Variants in FSTL5 observed in about 807,000 individuals in gnomAD.
FSTL5 encodes follistatin like 5.
A neutral mutation model predicts 89.1 loss-of-function variants in FSTL5; 62 were observed. The observed-to-expected ratio is 0.70, with a 90% CI of 0.57 to 0.86. The LOEUF (loss-of-function observed/expected upper bound fraction) is 0.86, where lower values mean the gene tolerates loss of function less well. FSTL5 is among the 40% of genes least tolerant of loss of function. The pLI, the probability that FSTL5 is intolerant of heterozygous loss-of-function variation, is 0.00. For missense variants in FSTL5, 1,057 were observed against 1,001.6 expected, an observed-to-expected ratio of 1.06 and a Z score of -0.75; for synonymous variants, 383 against 346.2, an observed-to-expected ratio of 1.11 and a Z score of -1.18.
chr4:161,821,212 A>AT (rs1189183977), intron 4 of FSTL5, among the ~76,000 whole-genome samples: 1 of 151,758 alleles, frequency 6.6e-6, no homozygotes, highest in African/African-American at 2.4e-5. Context: ...TAATTTTTGT[A>AT]TTTTTTGTAG....
intron 10 of FSTL5, among the ~76,000 whole-genome samples, chr4:161,527,493 C>T (rs1218052903): frequency 1.9e-3 from 273 of 140,646 alleles, no homozygotes; most frequent in Admixed American, 2.6e-3. Context: ...AGGACATGAA[C>T]AGACACTTCT....
chr4:161,668,192 A>G (rs1357164253), intron 6 of FSTL5, among the ~76,000 whole-genome samples: 1 of 152,184 alleles, frequency 6.6e-6, no homozygotes, highest in Non-Finnish European at 1.5e-5. Flanking sequence ...ATACAGTATT[A>G]TTACAGATCC....
intron 3 of FSTL5, among the ~76,000 whole-genome samples, chr4:161,968,934 TACACACACACAC>T (rs147433060): frequency 2.5e-4 from 35 of 140,136 alleles, no homozygotes; most frequent in African/African-American, 9.0e-4. Context: ...GACACAGACA[TACACACACACAC>T]ACACACACAC....
At chr4:161,672,286 T>C (rs192140456) in intron 6 of FSTL5, among the ~76,000 whole-genome samples, 17 of 152,266 alleles carry the variant, frequency 1.1e-4, no homozygotes, top group Admixed American at 9.8e-4. Flanking sequence ...ATACTTTCTG[T>C]GCCCCTTTAA....
At chr4:161,686,323 T>C in intron 6 of FSTL5, among the ~76,000 whole-genome samples, 1 of 6,152 alleles carries the variant, frequency 1.6e-4, no homozygotes, top group East Asian at 5.3e-3. Flanking sequence ...TATATATATA[T>C]ATATATATAT....
At chr4:161,697,707 A>G (rs1738220042) in intron 6 of FSTL5, among the ~76,000 whole-genome samples, 1 of 152,198 alleles carries the variant, frequency 6.6e-6, no homozygotes, top group South Asian at 2.1e-4. Context: ...TGTAATGTAT[A>G]TGAACTTAGA....
chr4:161,616,692 A>G (rs975194950), intron 7 of FSTL5, among the ~76,000 whole-genome samples: 1 of 151,874 alleles, frequency 6.6e-6, no homozygotes, highest in African/African-American at 2.4e-5. Flanking sequence ...ATTGTGGCCT[A>G]TTGGGGGTGG....
chr4:161,522,887 T>C (rs935950473), intron 10 of FSTL5, among the ~76,000 whole-genome samples: 3 of 151,978 alleles, frequency 2.0e-5, no homozygotes, highest in African/African-American at 7.2e-5. Context: ...TCTAAAATAG[T>C]CCTATATCTA....
intron 12 of FSTL5, among the ~76,000 whole-genome samples, chr4:161,482,834 C>T (rs1462891543): frequency 6.6e-6 from 1 of 152,150 alleles, no homozygotes; most frequent in Admixed American, 6.5e-5. Flanking sequence ...TCTGGAGTGT[C>T]CATTAATTTT....
intron 6 of FSTL5, among the ~76,000 whole-genome samples, chr4:161,691,509 G>T (rs1177899087): frequency 6.6e-6 from 1 of 152,010 alleles, no homozygotes; most frequent in Non-Finnish European, 1.5e-5. Context: ...TTGGTTATTG[G>T]TGGCATGTTG....
At chr4:162,147,008 C>T (rs1733026923) in intron 1 of FSTL5, among the ~76,000 whole-genome samples, 1 of 151,982 alleles carries the variant, frequency 6.6e-6, no homozygotes, top group Non-Finnish European at 1.5e-5. Context: ...TCTCGAACTC[C>T]TGACCTCAAG....
In FSTL5 at chr4:162,037,768, T is replaced by A. The variant is rs1305625991; in HGVS notation, c.127-4110A>T. On this transcript the variant is annotated intron_variant, in intron 2 of 15. Transcript: ENST00000306100. ...AGATTTGCAAAGTGAGAAGAAAACT[T>A]AAGGGTAAACTCCCGCATTACTGTC... Among the ~76,000 whole-genome samples, 3 of 151,944 alleles carry A rather than the reference T, an allele frequency of 2.0e-5. No homozygotes were observed. In the East Asian group the frequency reaches 5.8e-4, roughly 29 times the overall value.
chr4:161,879,579 T>C (rs973427171), intron 4 of FSTL5, among the ~76,000 whole-genome samples: 1 of 152,210 alleles, frequency 6.6e-6, no homozygotes, highest in African/African-American at 2.4e-5. Context: ...CAGTCTCTCC[T>C]TCCTCACTCT....
At chr4:161,635,212 C>T (rs1578983554) in intron 7 of FSTL5, among the ~76,000 whole-genome samples, 2 of 152,112 alleles carry the variant, frequency 1.3e-5, no homozygotes, top group East Asian at 1.9e-4. Context: ...GATGGTAAAA[C>T]CCTATCTCTA....
At chr4:161,994,496 C>A (rs1736230337) in intron 3 of FSTL5, among the ~76,000 whole-genome samples, 1 of 152,110 alleles carries the variant, frequency 6.6e-6, no homozygotes, top group South Asian at 2.1e-4. Flanking sequence ...ACACTCCCAC[C>A]AACAATGTAT....
chr4:161,644,127 G>C (rs1021233041), intron 7 of FSTL5, among the ~76,000 whole-genome samples: 3 of 152,062 alleles, frequency 2.0e-5, no homozygotes, highest in African/African-American at 7.2e-5. Flanking sequence ...AGTAAGTTCA[G>C]GCACAAGAGG....
chr4:161,750,823 G>A (rs2126781470), intron 6 of FSTL5, among the ~76,000 whole-genome samples: 1 of 152,186 alleles, frequency 6.6e-6, no homozygotes, highest in East Asian at 1.9e-4. Flanking sequence ...AGAAATTTTA[G>A]GTTAGATGCA....
At chr4:161,510,494 T>G (rs1196535448) in intron 10 of FSTL5, 70 bp from the exon 11 acceptor site, 1 of 836,572 alleles carries the variant, frequency 1.2e-6, no homozygotes, top group South Asian at 1.8e-5. Context: ...TATGGTAATA[T>G]AAATATTATT....
chr4:161,614,712 T>A (rs1003937394), intron 7 of FSTL5, among the ~76,000 whole-genome samples: 1 of 152,190 alleles, frequency 6.6e-6, no homozygotes, highest in Non-Finnish European at 1.5e-5. Flanking sequence ...ATTCCAACTA[T>A]CTATGCTGAT....
Sources: gnomAD v4.1 joint callset for allele counts (sites outside exome capture counted in the v4.1 genomes callset) on GRCh38, gnomAD v4.1.1 for gene constraint, MANE v1.5 for transcripts, NCBI Gene and HGNC (gene_info 2026-07-23, HGNC 2026-07-21) for gene names.